Variants in PPARGC1A observed in about 807,000 individuals in gnomAD.
The protein encoded by PPARGC1A is PPARG coactivator 1 alpha.
PPARGC1A carries 25 observed loss-of-function variants against 88.7 expected under a neutral mutation model. The ratio of observed to expected loss-of-function variants is 0.28; its 90% CI spans 0.21 to 0.39. PPARGC1A has a LOEUF of 0.39. Among genes scored for constraint, PPARGC1A ranks in the 10% least tolerant of loss-of-function variants. PPARGC1A has a pLI of 1.00. For missense variants in PPARGC1A, 880 were observed against 968.7 expected, an observed-to-expected ratio of 0.91 and a Z score of 1.22; for synonymous variants, 363 against 355.6, an observed-to-expected ratio of 1.02 and a Z score of -0.24.
At chr4:24,013,178 C>T in the PPARGC1A span, among the ~76,000 whole-genome samples, 1 of 152,048 alleles carries the variant, frequency 6.6e-6, no homozygotes, top group East Asian at 1.9e-4. Context: ...GCAGCACTAA[C>T]GTATCACAAA....
the PPARGC1A span, among the ~76,000 whole-genome samples, chr4:24,124,539 C>T: frequency 8.5e-5 from 13 of 152,138 alleles, 1 homozygote; most frequent in Admixed American, 8.5e-4. Flanking sequence ...TTCAGAGCAG[C>T]GTGGAAACCC....
At chr4:23,928,216 A>G in the PPARGC1A span, among the ~76,000 whole-genome samples, 4 of 152,294 alleles carry the variant, frequency 2.6e-5, no homozygotes, top group South Asian at 4.1e-4. Context: ...GCCACTAAGT[A>G]GAATTTCCTT....
At chr4:24,047,299 T>C in the PPARGC1A span, among the ~76,000 whole-genome samples, 1 of 152,346 alleles carries the variant, frequency 6.6e-6, no homozygotes, top group African/African-American at 2.4e-5. Flanking sequence ...TTTATTCTCA[T>C]TGCCACTAGA....
the PPARGC1A span, among the ~76,000 whole-genome samples, chr4:23,947,727 C>G: frequency 6.6e-6 from 1 of 152,226 alleles, no homozygotes; most frequent in East Asian, 1.9e-4. Flanking sequence ...CAAGAGCTGA[C>G]ATCCTCAGGT....
At chr4:24,372,480 TC>T in the PPARGC1A span, among the ~76,000 whole-genome samples, 3 of 152,186 alleles carry the variant, frequency 2.0e-5, no homozygotes, top group East Asian at 5.8e-4. Flanking sequence ...GCCCTGACAG[TC>T]TTTGAGTCCT....
chr4:24,218,029 T>C, the PPARGC1A span, among the ~76,000 whole-genome samples: 4 of 152,184 alleles, frequency 2.6e-5, no homozygotes, highest in African/African-American at 4.8e-5. Context: ...GTACTTGTAA[T>C]ATTCTAAGGC....
At chr4:24,463,096 C>T in the PPARGC1A span, among the ~76,000 whole-genome samples, 2 of 152,144 alleles carry the variant, frequency 1.3e-5, no homozygotes, top group African/African-American at 4.8e-5. Context: ...ATCTGTTCAG[C>T]CTGACTCCCA....
At chr4:24,168,436 A>C in the PPARGC1A span, among the ~76,000 whole-genome samples, 1 of 152,214 alleles carries the variant, frequency 6.6e-6, no homozygotes, top group South Asian at 2.1e-4. Context: ...TTGAGGCCTA[A>C]AAGTAATACC....
At chr4:23,955,689 C>T in the PPARGC1A span, among the ~76,000 whole-genome samples, 1 of 152,054 alleles carries the variant, frequency 6.6e-6, no homozygotes, top group Admixed American at 6.6e-5. Context: ...ATATTGAGCA[C>T]TTATTATGTG....
chr4:24,008,786 T>C, the PPARGC1A span, among the ~76,000 whole-genome samples: 2 of 152,160 alleles, frequency 1.3e-5, no homozygotes, highest in Non-Finnish European at 2.9e-5. Flanking sequence ...CACAGTTCCC[T>C]GTTAATTTTG....
the PPARGC1A span, among the ~76,000 whole-genome samples, chr4:24,045,545 C>T: frequency 6.6e-6 from 1 of 152,074 alleles, no homozygotes; most frequent in South Asian, 2.1e-4. Context: ...CTGGTGGTTG[C>T]CAGGAATCCT....
the PPARGC1A span, among the ~76,000 whole-genome samples, chr4:24,255,981 C>T: frequency 2.0e-5 from 3 of 152,214 alleles, no homozygotes; most frequent in African/African-American, 7.2e-5. Flanking sequence ...GTCCTGCCCA[C>T]ATATGACACC....
the PPARGC1A span, among the ~76,000 whole-genome samples, chr4:24,053,702 G>A: frequency 1.3e-5 from 2 of 152,230 alleles, no homozygotes; most frequent in Non-Finnish European, 1.5e-5. Flanking sequence ...TCACCTCTCT[G>A]TGCCTCAGTT....
At chr4:24,107,694 C>A in the PPARGC1A span, among the ~76,000 whole-genome samples, 6 of 152,074 alleles carry the variant, frequency 3.9e-5, no homozygotes, top group Admixed American at 3.9e-4. Context: ...TATGAAGGGC[C>A]TTGAATATCA....
chr4:23,962,046 G>T, the PPARGC1A span, among the ~76,000 whole-genome samples: 1 of 152,096 alleles, frequency 6.6e-6, no homozygotes, highest in African/African-American at 2.4e-5. Context: ...AAAGGGTTAG[G>T]GGGAAGAAAT....
chr4:24,336,252 C>A, the PPARGC1A span, among the ~76,000 whole-genome samples: 1 of 152,128 alleles, frequency 6.6e-6, no homozygotes, highest in Admixed American at 6.5e-5. Context: ...GTCACACTGT[C>A]ACTTAGGACA....
the PPARGC1A span, among the ~76,000 whole-genome samples, chr4:24,349,612 C>T: frequency 6.6e-6 from 1 of 152,144 alleles, no homozygotes; most frequent in Non-Finnish European, 1.5e-5. Flanking sequence ...CCTCACCCAG[C>T]TCCCATGCAA....
chr4:24,427,480 A>G, the PPARGC1A span, among the ~76,000 whole-genome samples: 2 of 151,948 alleles, frequency 1.3e-5, no homozygotes, highest in African/African-American at 2.4e-5. Flanking sequence ...GGGTTCCACC[A>G]TGTTCCCCAG....
chr4:24,050,550 G>T, the PPARGC1A span, among the ~76,000 whole-genome samples: 1 of 151,986 alleles, frequency 6.6e-6, no homozygotes, highest in Admixed American at 6.6e-5. Flanking sequence ...GCTCCTCTAA[G>T]CTCCTCCTGT....
Sources: gnomAD v4.1 joint callset for allele counts (sites outside exome capture counted in the v4.1 genomes callset) on GRCh38, gnomAD v4.1.1 for gene constraint, MANE v1.5 for transcripts, NCBI Gene and HGNC (gene_info 2026-07-23, HGNC 2026-07-21) for gene names.